Variants in ADAMTS17 observed in about 807,000 individuals in gnomAD.
ADAMTS17 encodes A disintegrin and metalloproteinase with thrombospondin motifs 17.
In ADAMTS17, 113 loss-of-function variants were observed where a neutral mutation model predicts 141.5. The ratio of observed to expected loss-of-function variants is 0.80; its 90% CI spans 0.69 to 0.93. The LOEUF (loss-of-function observed/expected upper bound fraction) is 0.93, where lower values mean the gene tolerates loss of function less well. Among genes scored for constraint, ADAMTS17 ranks in the 40% least tolerant of loss-of-function variants. The pLI, the probability that ADAMTS17 is intolerant of heterozygous loss-of-function variation, is 0.00. For synonymous variants in ADAMTS17, 768 were observed against 630.6 expected (o/e 1.22, Z -3.27); for missense variants, 1,659 against 1,517.9 (o/e 1.09, Z -1.54).
chr15:100,044,854 C>A (rs1053534613), intron 18 of ADAMTS17, among the ~76,000 whole-genome samples: 1 of 150,166 alleles, frequency 6.7e-6, no homozygotes, highest in Admixed American at 6.7e-5. Flanking sequence ...ATCACCCAGG[C>A]TGGAGTACAG....
intron 7 of ADAMTS17, among the ~76,000 whole-genome samples, chr15:100,237,129 C>T (rs546458989): frequency 6.6e-6 from 1 of 152,270 alleles, no homozygotes; most frequent in Admixed American, 6.5e-5. Flanking sequence ...GGTGTCGGGC[C>T]AGCCAGGTTC....
chr15:99,990,864 C>G (rs973769974), intron 20 of ADAMTS17, among the ~76,000 whole-genome samples: 1 of 152,070 alleles, frequency 6.6e-6, no homozygotes, highest in Non-Finnish European at 1.5e-5. Context: ...AGAAATAATG[C>G]CACACATCTA....
intron 7 of ADAMTS17, among the ~76,000 whole-genome samples, chr15:100,208,299 G>C (rs1412096438): frequency 1.3e-5 from 2 of 152,218 alleles, no homozygotes; most frequent in Non-Finnish European, 2.9e-5. Flanking sequence ...AACATGTGCT[G>C]CTTGTTCTTT....
intron 10 of ADAMTS17, among the ~76,000 whole-genome samples, chr15:100,142,425 G>A (rs763652998): frequency 6.6e-6 from 1 of 152,176 alleles, no homozygotes; most frequent in Admixed American, 6.5e-5. Context: ...TATGGGAAGG[G>A]ACAGGCCCAT....
intron 18 of ADAMTS17, among the ~76,000 whole-genome samples, chr15:100,002,995 C>T (rs866091807): frequency 7.2e-5 from 11 of 152,184 alleles, no homozygotes; most frequent in Middle Eastern, 6.8e-3. Context: ...CTGCCATTCA[C>T]CCCTCCTCTG....
chr15:100,306,125 C>T (rs2045216121), intron 3 of ADAMTS17: 1 of 239,204 alleles, frequency 4.2e-6, no homozygotes, highest in Non-Finnish European at 8.4e-6. Flanking sequence ...GTCTCTGATC[C>T]CTCTGCACAG....
chr15:100,203,275 A>G (rs534837222), intron 7 of ADAMTS17, among the ~76,000 whole-genome samples: 1 of 152,358 alleles, frequency 6.6e-6, no homozygotes, highest in East Asian at 1.9e-4. Context: ...ACAGAGGGTA[A>G]AAATGAAGGG....
At chr15:100,157,909 G>C (rs112813757) in intron 8 of ADAMTS17, among the ~76,000 whole-genome samples, 1 of 121,872 alleles carries the variant, frequency 8.2e-6, no homozygotes, top group East Asian at 2.3e-4. Flanking sequence ...TTTTTCCTGA[G>C]ATGGAGTCTT....
intron 1 of ADAMTS17, 100 bp downstream of exon 1, chr15:100,341,721 G>C: frequency 2.1e-6 from 3 of 1,413,282 alleles, no homozygotes. Context: ...CGCCGTCAGC[G>C]GTCCCGCCGC....
chr15:100,082,061 T>C (rs939879518), intron 15 of ADAMTS17, among the ~76,000 whole-genome samples: 16 of 152,216 alleles, frequency 1.1e-4, no homozygotes, highest in Admixed American at 9.2e-4. Flanking sequence ...TTTGCTTTTA[T>C]TGATTTTTTT....
chr15:100,223,836 T>C (rs1020150340), intron 7 of ADAMTS17, among the ~76,000 whole-genome samples: 7 of 151,870 alleles, frequency 4.6e-5, no homozygotes, highest in Non-Finnish European at 7.4e-5. Flanking sequence ...TGTGTATATA[T>C]ATGGAGTTTA....
At chr15:100,065,335 G>T (rs1317270946) in intron 15 of ADAMTS17, among the ~76,000 whole-genome samples, 1 of 152,014 alleles carries the variant, frequency 6.6e-6, no homozygotes, top group South Asian at 2.1e-4. Flanking sequence ...GTATGTATAA[G>T]GTACAAAATT....
intron 4 of ADAMTS17, among the ~76,000 whole-genome samples, chr15:100,271,416 G>A (rs2043906694): frequency 2.0e-5 from 3 of 152,000 alleles, no homozygotes; most frequent in Non-Finnish European, 4.4e-5. Flanking sequence ...TTATTTTTTT[G>A]TTTTATAATA....
chr15:100,063,844 A>G lies in ADAMTS17; in HGVS notation c.2138-9790T>C, dbSNP rs997030185. ...AGCATCCCCCGGCCAAAATCTAGCT[A>G]CCAAGCCCCCCACAGTGGCTTCAGA... On this transcript the variant is annotated intron_variant, in intron 15 of 21. Transcript: ENST00000268070. 4.9e-5 allele frequency: 48 copies of G among 970,422 alleles called. No homozygotes were observed. In the South Asian group the frequency reaches 5.5e-4, roughly 11 times the overall value. 60.1% of individuals were successfully genotyped at this position (970,422 alleles called of 1,614,324 possible).
rs536004637 is a variant in ADAMTS17, at chr15:100,278,839, A to G, written c.789+2390T>C. Reference sequence around the variant, plus strand: ...TGGTTAGGGGAAAGAAAGGCTTGACATGGTGGTCATAGCTCTGCCAGTGAC... The same window carrying G: ...TGGTTAGGGGAAAGAAAGGCTTGACGTGGTGGTCATAGCTCTGCCAGTGAC... On this transcript the variant is annotated intron_variant, in intron 4 of 21. Coordinates refer to ENST00000268070, the MANE Select transcript of ADAMTS17 (RefSeq NM_139057.4). Among the ~76,000 whole-genome samples, 152 of 152,288 alleles carry G rather than the reference A, an allele frequency of 1.0e-3. 1 individual carries two copies. Among genetic ancestry groups the G allele is most frequent in the African/African-American group, 3.5e-3 (147 of 41,564 alleles).
intron 3 of ADAMTS17, among the ~76,000 whole-genome samples, chr15:100,329,312 G>C (rs1191931684): frequency 6.6e-6 from 1 of 152,142 alleles, no homozygotes; most frequent in Non-Finnish European, 1.5e-5. Context: ...GCCAAGGCGA[G>C]AGGATCACTT....
chr15:100,111,092 T>G (rs530771947), intron 13 of ADAMTS17, among the ~76,000 whole-genome samples: 1 of 152,306 alleles, frequency 6.6e-6, no homozygotes, highest in South Asian at 2.1e-4. Flanking sequence ...ACTGGAGATC[T>G]GAAGCCTCCC....
chr15:100,159,824 C>T (rs1179249131), intron 8 of ADAMTS17, among the ~76,000 whole-genome samples: 1 of 152,190 alleles, frequency 6.6e-6, no homozygotes, highest in African/African-American at 2.4e-5. Flanking sequence ...AGCAACGAGG[C>T]AAATGCAAGG....
intron 7 of ADAMTS17, among the ~76,000 whole-genome samples, chr15:100,237,875 C>T (rs193290559): frequency 2.7e-3 from 410 of 152,294 alleles, no homozygotes; most frequent in Non-Finnish European, 4.2e-3. Context: ...CCACCCACCT[C>T]GGTCTCCCAA....
Sources: allele counts gnomAD v4.1 joint callset (sites outside exome capture counted in the v4.1 genomes callset), GRCh38; gene constraint gnomAD v4.1.1; transcripts MANE v1.5; gene names NCBI Gene and HGNC (gene_info 2026-07-23, HGNC 2026-07-21).